The following FBXL2 variants were observed in gnomAD, a reference collection of about 807,000 sequenced individuals.
FBXL2 encodes the protein F-box/LRR-repeat protein 2.
Under a neutral mutation model 69.2 loss-of-function variants are expected in FBXL2, and 38 were observed. That is an observed-to-expected ratio of 0.55 (90% CI 0.42 to 0.72). The LOEUF is 0.72. Ranked by LOEUF, FBXL2 falls within the 30% of genes least tolerant of loss-of-function variation. The probability of loss-of-function intolerance (pLI) is 0.00; values close to 1 mark genes in which losing one functional copy is unlikely to be tolerated. For synonymous variants in FBXL2, 192 were observed against 201.3 expected (o/e 0.95, Z 0.39); for missense variants, 354 against 520.3 (o/e 0.68, Z 3.11).
At chr3:33,354,077 G>A (rs1448298044) in intron 2 of FBXL2, among the ~76,000 whole-genome samples, 1 of 152,024 alleles carries the variant, frequency 6.6e-6, no homozygotes, top group Admixed American at 6.6e-5. Context: ...ATAGACCTTA[G>A]TTAATAATAA....
chr3:33,329,797 G>A (rs2039010117), intron 2 of FBXL2, among the ~76,000 whole-genome samples: 1 of 152,122 alleles, frequency 6.6e-6, no homozygotes. Flanking sequence ...TTTGAGATCA[G>A]CCTGGGCCAC....
At chr3:33,379,636 T>G (rs1393923895) in intron 13 of FBXL2, among the ~76,000 whole-genome samples, 1 of 150,886 alleles carries the variant, frequency 6.6e-6, no homozygotes, top group African/African-American at 2.4e-5. Flanking sequence ...TTTTTTTTAA[T>G]GAGGCCAGTA....
downstream of FBXL2, chr3:33,408,632 A>G (rs2044493900): frequency 3.5e-6 from 5 of 1,441,638 alleles, no homozygotes; most frequent in South Asian, 2.7e-5. Flanking sequence ...AGTTGGTCCT[A>G]TATCTAACAC....
At chr3:33,400,315 G>A (rs1193383938) in intron 12 of FBXL2, 3 of 1,508,334 alleles carry the variant, frequency 2.0e-6, no homozygotes, top group Non-Finnish European at 2.7e-6. Flanking sequence ...TAAATAAAAG[G>A]AACCATTCAG....
At chr3:33,361,098 A>ATTT (rs58660334) in intron 4 of FBXL2, among the ~76,000 whole-genome samples, 1 of 116,340 alleles carries the variant, frequency 8.6e-6, no homozygotes, top group African/African-American at 3.3e-5. Context: ...CGCCCGGCTA[A>ATTT]TTTTTTTTTT....
chr3:33,417,680 AC>A, the FBXL2 span, among the ~76,000 whole-genome samples: 1 of 152,220 alleles, frequency 6.6e-6, no homozygotes, highest in Non-Finnish European at 1.5e-5. Context: ...CTCCAAATCC[AC>A]AAAAAATGAT....
intron 2 of FBXL2, among the ~76,000 whole-genome samples, chr3:33,300,999 G>A (rs752102849): frequency 3.3e-5 from 5 of 152,008 alleles, no homozygotes; most frequent in Non-Finnish European, 5.9e-5. Context: ...CACTGCGCCC[G>A]GCCTTTCCTA....
intron 2 of FBXL2, among the ~76,000 whole-genome samples, chr3:33,351,266 A>G (rs1424052603): frequency 6.6e-6 from 1 of 152,166 alleles, no homozygotes; most frequent in Non-Finnish European, 1.5e-5. Context: ...TTCTGTCTCA[A>G]AAAAATAAAA....
chr3:33,324,895 G>C (rs2038561026), intron 2 of FBXL2, among the ~76,000 whole-genome samples: 1 of 152,184 alleles, frequency 6.6e-6, no homozygotes. Context: ...ACTGTGGGCA[G>C]TATGGCCATT....
intron 12 of FBXL2, chr3:33,400,957 C>A: frequency 6.3e-7 from 1 of 1,593,304 alleles, no homozygotes; most frequent in Non-Finnish European, 8.5e-7. Context: ...GAGAAAGATA[C>A]TTACTTCACC....
chr3:33,375,208 A>G (rs1332555918), intron 9 of FBXL2, 80 bp from the exon 10 acceptor site: 13 of 1,552,268 alleles, frequency 8.4e-6, no homozygotes, highest in South Asian at 1.2e-5. Context: ...AAACTGAACA[A>G]CAGCAGATAC....
At chr3:33,309,543 T>TC (rs1478489411) in intron 2 of FBXL2, among the ~76,000 whole-genome samples, 5 of 149,922 alleles carry the variant, frequency 3.3e-5, no homozygotes, top group Non-Finnish European at 7.4e-5. Flanking sequence ...AGTTGGGTCT[T>TC]TAAAAAAAAA....
At chr3:33,311,149 A>G (rs559973147) in intron 2 of FBXL2, among the ~76,000 whole-genome samples, 1 of 152,278 alleles carries the variant, frequency 6.6e-6, no homozygotes, top group East Asian at 1.9e-4. Context: ...ATTTGCTGAT[A>G]AGTGTATTGA....
intron 1 of FBXL2, among the ~76,000 whole-genome samples, chr3:33,286,234 G>A (rs2034599181): frequency 1.3e-5 from 2 of 152,170 alleles, no homozygotes; most frequent in Non-Finnish European, 2.9e-5. Context: ...TGTCCTTTCT[G>A]TTTGTTAGTT....
rs2041416080 is a variant in FBXL2 at position 33,358,970 on chromosome 3, A to G, written c.69A>G (p.Ile23Met). The G allele has an allele frequency of 6.5e-7, 1 of 1,533,614 alleles. No individual in the cohort carries two copies. The highest frequency in any genetic ancestry group is 8.8e-7 in the Non-Finnish European group (1 of 1,133,442). Residue 23 changes from isoleucine to methionine, a missense_variant, in exon 3 of 15, where the codon ATA becomes ATG. Transcript: ENST00000484457. ...KKLPKELLLRIFSFLDIVTLC... is the reference protein window; with the variant it reads ...KKLPKELLLRMFSFLDIVTLC... ...TGTTTTTTTCCTCTCTCTGTAGAAT[A>G]TTTTCCTTCTTGGATATAGTAACTT... is the stretch of plus-strand genomic sequence containing the variant.
At chr3:33,369,162 G>A (rs1020990674) in intron 5 of FBXL2, among the ~76,000 whole-genome samples, 23 of 150,882 alleles carry the variant, frequency 1.5e-4, no homozygotes, top group African/African-American at 4.4e-4. Context: ...AGCGATTCTC[G>A]TGCCTCAGAC....
chr3:33,351,327 A>T (rs2040818600), intron 2 of FBXL2, among the ~76,000 whole-genome samples: 2 of 152,336 alleles, frequency 1.3e-5, no homozygotes, highest in South Asian at 4.1e-4. Flanking sequence ...AGGTTACAGG[A>T]TCTAACATTA....
chr3:33,318,718 T>C (rs1216224457), intron 2 of FBXL2, among the ~76,000 whole-genome samples: 1 of 139,650 alleles, frequency 7.2e-6, no homozygotes, highest in Non-Finnish European at 1.5e-5. Flanking sequence ...ATACATCTAA[T>C]TTTTTAAACA....
chr3:33,371,025 T>G (rs1336166275), intron 5 of FBXL2, among the ~76,000 whole-genome samples: 1 of 152,194 alleles, frequency 6.6e-6, no homozygotes, highest in Non-Finnish European at 1.5e-5. Flanking sequence ...TCGTTCATGC[T>G]CTGTTCTATT....
Sources: allele counts gnomAD v4.1 joint callset (sites outside exome capture counted in the v4.1 genomes callset), GRCh38; gene constraint gnomAD v4.1.1; transcripts MANE v1.5; gene names NCBI Gene and HGNC (gene_info 2026-07-23, HGNC 2026-07-21).